Variants in ZFYVE1 observed in about 807,000 individuals in gnomAD.
The protein encoded by ZFYVE1 is zinc finger FYVE-type containing 1.
A neutral mutation model predicts 74.4 loss-of-function variants in ZFYVE1; 30 were observed. That is an observed-to-expected ratio of 0.40 (90% CI 0.30 to 0.55). The LOEUF (loss-of-function observed/expected upper bound fraction) is 0.55. Ranked by LOEUF, ZFYVE1 falls within the 20% of genes least tolerant of loss-of-function variation. The pLI is 0.42. For missense variants in ZFYVE1, 703 were observed against 1,011.6 expected, an observed-to-expected ratio of 0.69 and a Z score of 4.14; for synonymous variants, 335 against 385.1, an observed-to-expected ratio of 0.87 and a Z score of 1.52.
chr14:73,015,361 AAAGGAAGAGGGG>A (rs1490910232), intron 2 of ZFYVE1, among the ~76,000 whole-genome samples: 1 of 49,768 alleles, frequency 2.0e-5, no homozygotes, highest in African/African-American at 1.0e-4. Flanking sequence ...AGGAAGGGGG[AAAGGAAGAGGGG>A]AAGGAAGGGG....
intron 11 of ZFYVE1, among the ~76,000 whole-genome samples, chr14:72,971,738 G>C (rs576634840): frequency 6.2e-4 from 95 of 152,182 alleles, no homozygotes; most frequent in Non-Finnish European, 1.1e-3. Context: ...CAAGTAGCTA[G>C]GATTATAGGC....
At chr14:73,006,293 G>A (rs1893977102) in intron 2 of ZFYVE1, among the ~76,000 whole-genome samples, 1 of 152,006 alleles carries the variant, frequency 6.6e-6, no homozygotes, top group South Asian at 2.1e-4. Flanking sequence ...ATCTTTACGA[G>A]GCTGGGCGTG....
chr14:73,012,869 T>G (rs1012963969), intron 2 of ZFYVE1, among the ~76,000 whole-genome samples: 1 of 151,916 alleles, frequency 6.6e-6, no homozygotes, highest in Non-Finnish European at 1.5e-5. Context: ...AAAGAAAAAA[T>G]TATGAGAGAT....
chr14:72,994,147 A>AC (rs1893689565), intron 3 of ZFYVE1, among the ~76,000 whole-genome samples: 5 of 150,846 alleles, frequency 3.3e-5, no homozygotes, highest in Non-Finnish European at 7.4e-5. Flanking sequence ...ACGTGGTAAA[A>AC]CCCCATCTCT....
At chr14:73,011,854 A>C (rs1894097827) in intron 2 of ZFYVE1, among the ~76,000 whole-genome samples, 1 of 151,390 alleles carries the variant, frequency 6.6e-6, no homozygotes, top group Non-Finnish European at 1.5e-5. Context: ...AAAAAAAAGA[A>C]ACCTATAATA....
At position 73,024,144 on chromosome 14, in the gene ZFYVE1, T is replaced by C. The variant is rs529336147; in HGVS notation, c.365A>G (p.Asn122Ser). Residue 122 changes from asparagine (N) to serine (S), a missense_variant, in exon 2 of 12, where the codon AAT becomes AGT. This residue lies in a region of ZFYVE1 where 211 missense variants were observed against 221.7 expected (regional missense o/e 0.95). Transcript: ENST00000556143. ...NKRRHPVTVY[N>S]VSNLQESLEA... ...CAGTGACTCCTGGAGATTACTGACA[T>C]TGTACACAGTAACAGGGTGTCTCCT... 6 of 1,614,052 alleles carry C rather than the reference T, an allele frequency of 3.7e-6. No individual in the cohort carries two copies. Among genetic ancestry groups the C allele is most frequent in the African/African-American group, 1.3e-5 (1 of 74,924 alleles).
At position 72,970,976 on chromosome 14, in the gene ZFYVE1, T is replaced by C; in HGVS notation, c.2240A>G (p.Glu747Gly). Residue 747 changes from glutamate (E) to glycine (G), a missense_variant, in exon 12 of 12, where the codon GAG becomes GGG. By Grantham distance (98) the Glu-to-Gly change is moderately conservative. Transcript: ENST00000556143. ...CRACGQGFCD[E>G]CSHDRRAVPS... Reference sequence around the variant, plus strand: ...AACAGCCCGGCGGTCATGGGAGCACTCATCACAGAAGCCCTGTCCGCAGGC... The same window carrying C: ...AACAGCCCGGCGGTCATGGGAGCACCCATCACAGAAGCCCTGTCCGCAGGC... The C allele has an allele frequency of 6.2e-7, 1 of 1,614,198 alleles. No homozygotes were observed. The highest frequency in any genetic ancestry group is 8.5e-7 in the Non-Finnish European group (1 of 1,180,034).
chr14:72,973,713 T>G (rs902263474), intron 11 of ZFYVE1, among the ~76,000 whole-genome samples: 1 of 152,132 alleles, frequency 6.6e-6, no homozygotes, highest in Non-Finnish European at 1.5e-5. Context: ...CTTGGACCCT[T>G]GAGACCACTC....
chr14:72,985,325 T>C (rs912297020), intron 4 of ZFYVE1, among the ~76,000 whole-genome samples: 1 of 85,882 alleles, frequency 1.2e-5, no homozygotes, highest in Non-Finnish European at 2.3e-5. Context: ...CCCAATAATT[T>C]TTGTTTGTTT....
At chr14:73,002,307 G>A (rs1435242822) in intron 2 of ZFYVE1, among the ~76,000 whole-genome samples, 1 of 152,278 alleles carries the variant, frequency 6.6e-6, no homozygotes, top group South Asian at 2.1e-4. Flanking sequence ...TTTCTATTTG[G>A]AAAGATGAAA....
intron 2 of ZFYVE1, among the ~76,000 whole-genome samples, chr14:73,004,526 C>A (rs1435619909): frequency 6.6e-6 from 1 of 151,926 alleles, no homozygotes; most frequent in Non-Finnish European, 1.5e-5. Flanking sequence ...TTGGTGATAC[C>A]ACTTAGCCAT....
chr14:72,979,105 A>ACT (rs1893256892), intron 5 of ZFYVE1, 136 bp from the exon 6 acceptor site: 2 of 737,488 alleles, frequency 2.7e-6, no homozygotes, highest in Non-Finnish European at 4.8e-6. Flanking sequence ...TGCTGAACAC[A>ACT]GAAAGGGTAG....
At position 72,998,316 on chromosome 14, in the gene ZFYVE1, CT is replaced by C; in HGVS notation, c.484-2del. ...TAATAAAGTCTTCTTCATTTGTTAC[CT>C]GCAAAAAAAAAAAAAAAGACCATGA... On this transcript the variant is annotated splice_acceptor_variant, in intron 2 of 11. Coordinates refer to ENST00000556143, the MANE Select transcript of ZFYVE1 (RefSeq NM_021260.4). LOFTEE classifies it high-confidence loss of function. 1 of 1,322,670 alleles carries C rather than the reference CT, an allele frequency of 7.6e-7. No individual in the cohort carries two copies. Among genetic ancestry groups the C allele is most frequent in the Non-Finnish European group, 9.8e-7 (1 of 1,024,820 alleles). 81.9% of individuals were successfully genotyped at this position (1,322,670 alleles called of 1,614,324 possible).
chr14:72,998,345 T>G, intron 2 of ZFYVE1, 30 bp from the exon 3 acceptor site: 1 of 1,459,112 alleles, frequency 6.9e-7, no homozygotes, highest in Non-Finnish European at 9.1e-7. Context: ...GACCATGAAA[T>G]ACAGAAACTG....
rs552568360 is a variant in ZFYVE1 at position 73,011,725 on chromosome 14, T to C, written c.483+12301A>G. 8.6e-5 allele frequency among the ~76,000 whole-genome samples: 13 copies of C among 150,602 alleles called. No homozygotes were observed. The South Asian group carries it at 2.7e-3, about 32-fold the overall frequency. ...TTAGTAGAAATGGGGTTTTGCCATG[T>C]TGGCCAGGCTGGTCTCAAACTCCTA... On this transcript the variant is annotated intron_variant, in intron 2 of 11. Coordinates refer to ENST00000556143, the MANE Select transcript of ZFYVE1 (RefSeq NM_021260.4).
chr14:72,972,436 G>C lies in ZFYVE1; in HGVS notation c.2102-1322C>G, dbSNP rs544092370. Among the ~76,000 whole-genome samples the C allele has an allele frequency of 2.6e-5, 4 of 152,288 alleles. No individual in the cohort carries two copies. In the East Asian group the frequency reaches 7.7e-4, roughly 29 times the overall value. On this transcript the variant is annotated intron_variant, in intron 11 of 11. Transcript: ENST00000556143. ...GTTCTTGCCTCTCCCAGGTACCCCT[G>C]GGGACAGATGCAACCTGAGATTTAA...
At chr14:73,006,709 CTTTTTTTTTTTTT>C (rs35364666) in intron 2 of ZFYVE1, among the ~76,000 whole-genome samples, 2 of 77,638 alleles carry the variant, frequency 2.6e-5, no homozygotes, top group Non-Finnish European at 4.9e-5. Context: ...ACCCCAGTTC[CTTTTTTTTTTTTT>C]TTTTTTTTTT....
intron 2 of ZFYVE1, among the ~76,000 whole-genome samples, chr14:73,001,807 GC>G (rs918676240): frequency 1.4e-5 from 2 of 143,446 alleles, no homozygotes; most frequent in African/African-American, 2.7e-5. Flanking sequence ...AATTAGCCAG[GC>G]GTGGTGGCAC....
intron 10 of ZFYVE1, among the ~76,000 whole-genome samples, chr14:72,974,441 G>T (rs1050745986): frequency 6.6e-6 from 1 of 152,204 alleles, no homozygotes; most frequent in African/African-American, 2.4e-5. Flanking sequence ...AAGGCAGAAA[G>T]GTTCTAGGAG....
Sources: allele counts gnomAD v4.1 joint callset (sites outside exome capture counted in the v4.1 genomes callset), GRCh38; gene constraint gnomAD v4.1.1; regional missense constraint gnomAD v4.1.1; transcripts MANE v1.5; gene names NCBI Gene and HGNC (gene_info 2026-07-23, HGNC 2026-07-21).